The following NOS1 variants were observed in gnomAD, a reference collection of about 807,000 sequenced individuals.
The protein encoded by NOS1 is nitric oxide synthase 1.
A neutral mutation model predicts 164.5 loss-of-function variants in NOS1; 51 were observed. The observed-to-expected ratio is 0.31, with a 90% CI of 0.25 to 0.39. The LOEUF is 0.39. NOS1 is among the 10% of genes least tolerant of loss of function. NOS1 has a pLI of 1.00. For synonymous variants in NOS1, 719 were observed against 745.8 expected, an observed-to-expected ratio of 0.96 and a Z score of 0.59; for missense variants, 1,362 against 1,885.6, an observed-to-expected ratio of 0.72 and a Z score of 5.14.
chr12:117,343,388 T>C (rs532815286), intron 1 of NOS1, among the ~76,000 whole-genome samples: 1 of 152,296 alleles, frequency 6.6e-6, no homozygotes, highest in South Asian at 2.1e-4. Flanking sequence ...GTCTAGTATA[T>C]TGCAAGAATC....
chr12:117,351,613 G>A (rs765887263), intron 1 of NOS1, among the ~76,000 whole-genome samples: 2 of 152,174 alleles, frequency 1.3e-5, no homozygotes, highest in Non-Finnish European at 2.9e-5. Context: ...ATAGTCAAGG[G>A]CATGACATGT....
intron 2 of NOS1, among the ~76,000 whole-genome samples, chr12:117,323,412 C>A (rs992495572): frequency 1.3e-5 from 2 of 152,216 alleles, no homozygotes; most frequent in Non-Finnish European, 2.9e-5. Context: ...TGCACTGTGG[C>A]CAACAATGCA....
chr12:117,346,027 C>A (rs1876334254), intron 1 of NOS1, among the ~76,000 whole-genome samples: 1 of 152,228 alleles, frequency 6.6e-6, no homozygotes, highest in Non-Finnish European at 1.5e-5. Context: ...AGGGCCCATG[C>A]CGTGTTTGGA....
At chr12:117,323,443 C>T (rs1387703989) in intron 2 of NOS1, among the ~76,000 whole-genome samples, 1 of 152,196 alleles carries the variant, frequency 6.6e-6, no homozygotes, top group Admixed American at 6.5e-5. Flanking sequence ...TCAGTAGAGG[C>T]CAAGAGTACG....
At chr12:117,268,524 G>T (rs570318404) in intron 10 of NOS1, among the ~76,000 whole-genome samples, 1 of 151,448 alleles carries the variant, frequency 6.6e-6, no homozygotes, top group African/African-American at 2.4e-5. Context: ...GAGGCACCTT[G>T]CCTGGCCAAG....
rs1040789168 is a variant in NOS1, at chr12:117,209,336, C to T, written c.*5973G>A. ...GCCAGGAATGCTGCTCAGCTTCCTACAGTACCCAAGACGGCCCCCACAAGA... is the reference window on the plus strand; with the variant it reads ...GCCAGGAATGCTGCTCAGCTTCCTATAGTACCCAAGACGGCCCCCACAAGA... On this transcript the variant is annotated 3_prime_UTR_variant, in exon 29 of 29. Coordinates refer to ENST00000317775, the MANE Select transcript of NOS1 (RefSeq NM_000620.5). 1 of 966,602 alleles carries T rather than the reference C, an allele frequency of 1.0e-6. No homozygotes were observed. The highest frequency in any genetic ancestry group is 1.2e-6 in the Non-Finnish European group (1 of 812,856). The allele number at this position is 966,602 out of a possible 1,614,324, so 59.9% of individuals were successfully genotyped here. A position where few individuals can be genotyped will look rare whatever the true frequency, so the allele number is the denominator to read the frequency against.
chr12:117,358,221 C>A (rs1221127952), intron 1 of NOS1, among the ~76,000 whole-genome samples: 2 of 152,210 alleles, frequency 1.3e-5, no homozygotes, highest in Non-Finnish European at 2.9e-5. Context: ...AAATCAGCGG[C>A]CCCCCAGTGG....
intron 17 of NOS1, 90 bp from the exon 18 acceptor site, chr12:117,247,612 A>T: frequency 8.9e-7 from 1 of 1,123,986 alleles, no homozygotes; most frequent in South Asian, 1.7e-5. Context: ...TGTCCCCCCA[A>T]ATTTCATATA....
At chr12:117,313,553 C>G (rs1296370171) in intron 2 of NOS1, among the ~76,000 whole-genome samples, 1 of 152,132 alleles carries the variant, frequency 6.6e-6, no homozygotes, top group Non-Finnish European at 1.5e-5. Flanking sequence ...GCCTCGGCCT[C>G]TCAAAGTGCT....
rs751893456 is a variant in NOS1 at position 117,218,155 on chromosome 12, G to A, written c.4180C>T (p.Arg1394Ter). 1 of 1,613,246 alleles carries A rather than the reference G, an allele frequency of 6.2e-7. No individual in the cohort carries two copies. Among genetic ancestry groups the A allele is most frequent in the Admixed American group, 1.7e-5 (1 of 60,012 alleles). ...ACTCCAAAAATATCCTCATGGTATC[G>A]GTTGTCATCCTAGAAGACAGAAACA... is the stretch of plus-strand genomic sequence containing the variant. ...VFISRMRDDNRYHEDIFGVTL... is the reference protein window; with the variant it reads ...VFISRMRDDN The change falls in exon 28 of 29, where the codon CGA becomes TGA. Residue 1394 changes from arginine (R) to a stop codon, truncating the protein, a stop_gained. Transcript: ENST00000317775. LOFTEE classifies it high-confidence loss of function.
At chr12:117,299,421 G>A (rs1373498388) in intron 3 of NOS1, among the ~76,000 whole-genome samples, 1 of 151,852 alleles carries the variant, frequency 6.6e-6, no homozygotes, top group Non-Finnish European at 1.5e-5. Flanking sequence ...GGCGGATCAC[G>A]AGGTCAGGAG....
At chr12:117,341,225 T>C (rs1368694291) in intron 1 of NOS1, among the ~76,000 whole-genome samples, 1 of 152,216 alleles carries the variant, frequency 6.6e-6, no homozygotes, top group Non-Finnish European at 1.5e-5. Flanking sequence ...ACACGTGGAC[T>C]GGTCCTGTCT....
rs1395958998 is a variant in NOS1 at position 117,287,564 on chromosome 12, A to G, written c.1127+510T>C. ...AGCAATTCTCATGCCTCAGCATCCC[A>G]AGTAGCTAGGATTATAGGTGTGCAC... is the stretch of plus-strand genomic sequence containing the variant. On this transcript the variant is annotated intron_variant, in intron 5 of 28. Transcript: ENST00000317775. 2.6e-5 allele frequency among the ~76,000 whole-genome samples: 4 copies of G among 151,832 alleles called. No homozygotes were observed. The East Asian group carries it at 7.8e-4, about 30-fold the overall frequency.
chr12:117,239,157 A>G (rs561260686), intron 20 of NOS1, among the ~76,000 whole-genome samples: 11 of 152,326 alleles, frequency 7.2e-5, no homozygotes, highest in Non-Finnish European at 1.2e-4. Flanking sequence ...TGAGACTGGG[A>G]AGGCTGGAGA....
intron 16 of NOS1, 105 bp downstream of exon 16, chr12:117,258,292 A>T (rs1179780328): frequency 8.8e-7 from 1 of 1,141,914 alleles, no homozygotes; most frequent in African/African-American, 1.5e-5. Flanking sequence ...TGGACTTCAG[A>T]TTACAGCCAC....
intron 26 of NOS1, 151 bp from the exon 27 acceptor site, chr12:117,220,420 T>G (rs1592922746): frequency 2.7e-6 from 2 of 738,054 alleles, no homozygotes; most frequent in South Asian, 3.7e-5. Context: ...AGTGAGGGAC[T>G]GGGAAGAGTG....
chr12:117,252,868 C>T (rs987425408), intron 17 of NOS1, among the ~76,000 whole-genome samples: 1 of 152,150 alleles, frequency 6.6e-6, no homozygotes, highest in Non-Finnish European at 1.5e-5. Flanking sequence ...AGATTTGTGG[C>T]CAGGCCTGAA....
At position 117,359,919 on chromosome 12, in the gene NOS1, T is replaced by C; in HGVS notation, c.-421+1593A>G. ...ATATATATATATATATATATATATA[T>C]ATATATATATATATATCAGCAACAC... On this transcript the variant is annotated intron_variant, in intron 1 of 28. Coordinates refer to ENST00000317775, the MANE Select transcript of NOS1 (RefSeq NM_000620.5). Among the ~76,000 whole-genome samples, 2 of 75,700 alleles carry C rather than the reference T, an allele frequency of 2.6e-5. 1 individual carries two copies. The highest frequency in any genetic ancestry group is 5.1e-5 in the Non-Finnish European group (2 of 39,332). 49.7% of individuals were successfully genotyped at this position (75,700 alleles called of 152,430 possible). A position where few individuals can be genotyped will look rare whatever the true frequency, so the allele number is the denominator to read the frequency against.
intron 20 of NOS1, 103 bp downstream of exon 20, chr12:117,242,524 G>T: frequency 2.1e-6 from 2 of 955,548 alleles, no homozygotes; most frequent in South Asian, 1.3e-5. Flanking sequence ...ACTTTGCAAT[G>T]ATTGGAGAAC....
Sources: gnomAD v4.1 joint callset for allele counts (sites outside exome capture counted in the v4.1 genomes callset) on GRCh38, gnomAD v4.1.1 for gene constraint, MANE v1.5 for transcripts, NCBI Gene and HGNC (gene_info 2026-07-23, HGNC 2026-07-21) for gene names.